GNA12: variants seen among roughly 807,000 people sequenced by gnomAD.
GNA12 encodes the protein G protein subunit alpha 12.
A neutral mutation model predicts 26.0 loss-of-function variants in GNA12; 9 were observed. That is an observed-to-expected ratio of 0.35 (90% CI 0.21 to 0.60). The LOEUF is 0.60. GNA12 is among the 20% of genes least tolerant of loss of function. GNA12 has a pLI of 0.78. For synonymous variants in GNA12, 264 were observed against 219.6 expected (o/e 1.20, Z -1.79); for missense variants, 405 against 525.8 (o/e 0.77, Z 2.25).
chr7:2,754,582 TAAAAAAA>T (rs34822125), intron 2 of GNA12, among the ~76,000 whole-genome samples: 1 of 143,520 alleles, frequency 7.0e-6, no homozygotes, highest in Non-Finnish European at 1.5e-5. Context: ...ATCTCTACTT[TAAAAAAA>T]AAAAAAAAAT....
chr7:2,831,561 G>A (rs1373126623), intron 1 of GNA12, among the ~76,000 whole-genome samples: 3 of 151,738 alleles, frequency 2.0e-5, no homozygotes, highest in African/African-American at 7.3e-5. Flanking sequence ...CTGCCACCAC[G>A]CCCGGTTATT....
chr7:2,829,088 A>AAAC (rs1441370469), intron 1 of GNA12, among the ~76,000 whole-genome samples: 6 of 151,562 alleles, frequency 4.0e-5, no homozygotes, highest in African/African-American at 1.5e-4. Flanking sequence ...AAAAAAAAAA[A>AAAC]GAAAAGAAAA....
chr7:2,823,398 C>T (rs112824185), intron 1 of GNA12, among the ~76,000 whole-genome samples: 2,748 of 152,240 alleles, frequency 0.018, 51 homozygotes, highest in Middle Eastern at 0.075. Context: ...AGGACTTTGA[C>T]GGCATATGCA....
intron 1 of GNA12, among the ~76,000 whole-genome samples, chr7:2,796,396 A>G (rs1792679359): frequency 6.6e-6 from 1 of 152,120 alleles, no homozygotes; most frequent in Non-Finnish European, 1.5e-5. Context: ...GTCCGCGCCT[A>G]TTTTCCGTTG....
chr7:2,750,135 G>A (rs184516196), intron 2 of GNA12, among the ~76,000 whole-genome samples: 79 of 152,292 alleles, frequency 5.2e-4, no homozygotes, highest in South Asian at 1.7e-3. Flanking sequence ...GGTCAAAGAA[G>A]TCAGACTCTC....
chr7:2,801,918 C>A (rs886222881), intron 1 of GNA12, among the ~76,000 whole-genome samples: 15 of 152,018 alleles, frequency 9.9e-5, no homozygotes, highest in African/African-American at 3.1e-4. Flanking sequence ...AATGTATTTA[C>A]CGTACTTTTG....
At chr7:2,834,786 T>C (rs1778781651) in intron 1 of GNA12, among the ~76,000 whole-genome samples, 1 of 152,204 alleles carries the variant, frequency 6.6e-6, no homozygotes, top group African/African-American at 2.4e-5. Flanking sequence ...CAGTATTCAG[T>C]ATAGTAACAT....
intron 1 of GNA12, among the ~76,000 whole-genome samples, chr7:2,842,275 G>A (rs73033414): frequency 6.6e-6 from 1 of 152,026 alleles, no homozygotes; most frequent in African/African-American, 2.4e-5. Flanking sequence ...CAGGCTCACG[G>A]TACTGAGAGA....
At chr7:2,733,645 T>G (rs1324483937) in intron 2 of GNA12, 144 bp from the exon 3 acceptor site, 1 of 657,980 alleles carries the variant, frequency 1.5e-6, no homozygotes, top group Non-Finnish European at 2.8e-6. Flanking sequence ...AGAGTGTCCG[T>G]GTGTTTTCTA....
At chr7:2,810,027 T>C (rs1793041635) in intron 1 of GNA12, among the ~76,000 whole-genome samples, 1 of 152,216 alleles carries the variant, frequency 6.6e-6, no homozygotes, top group African/African-American at 2.4e-5. Flanking sequence ...AGGGAAATGG[T>C]TTGACATTAG....
At chr7:2,835,260 G>A (rs1019667354) in intron 1 of GNA12, among the ~76,000 whole-genome samples, 3 of 152,170 alleles carry the variant, frequency 2.0e-5, no homozygotes, top group African/African-American at 4.8e-5. Flanking sequence ...CCCACCACCA[G>A]AGGCATTATT....
chr7:2,814,374 G>C (rs755719748), intron 1 of GNA12: 2 of 1,594,978 alleles, frequency 1.3e-6, no homozygotes, highest in African/African-American at 2.7e-5. Flanking sequence ...TTTCCATCTG[G>C]TGTGCTTCCC....
At chr7:2,801,055 T>C (rs1248092626) in intron 1 of GNA12, among the ~76,000 whole-genome samples, 2 of 152,104 alleles carry the variant, frequency 1.3e-5, no homozygotes, top group Non-Finnish European at 2.9e-5. Context: ...AGGGTCTCGG[T>C]GCCTTTGTAC....
intron 2 of GNA12, among the ~76,000 whole-genome samples, chr7:2,771,645 G>A (rs1263892618): frequency 6.6e-6 from 1 of 152,148 alleles, no homozygotes; most frequent in African/African-American, 2.4e-5. Context: ...TCCCTTTCCT[G>A]GCTGAGCAGT....
At chr7:2,738,690 A>G (rs1790338274) in intron 2 of GNA12, among the ~76,000 whole-genome samples, 1 of 152,248 alleles carries the variant, frequency 6.6e-6, no homozygotes, top group Middle Eastern at 3.4e-3. Context: ...CTTTGGAACC[A>G]TGCTAACATC....
intron 1 of GNA12, among the ~76,000 whole-genome samples, chr7:2,808,611 C>A (rs1196330621): frequency 6.6e-6 from 1 of 152,204 alleles, no homozygotes; most frequent in African/African-American, 2.4e-5. Context: ...TCTGGCCCAG[C>A]CTGTCAGCCA....
chr7:2,753,803 G>T (rs1791151694), intron 2 of GNA12, among the ~76,000 whole-genome samples: 1 of 151,824 alleles, frequency 6.6e-6, no homozygotes, highest in Admixed American at 6.6e-5. Context: ...ATAAGTTTTT[G>T]TTTCTTCAGT....
intron 2 of GNA12, among the ~76,000 whole-genome samples, chr7:2,740,228 T>C: frequency 6.6e-6 from 1 of 152,208 alleles, no homozygotes; most frequent in East Asian, 1.9e-4. Flanking sequence ...TGTATCATCA[T>C]TATAGACTGC....
At chr7:2,798,171 A>G (rs1361872794) in intron 1 of GNA12, among the ~76,000 whole-genome samples, 1 of 152,226 alleles carries the variant, frequency 6.6e-6, no homozygotes, top group Non-Finnish European at 1.5e-5. Context: ...GAAATAAAAG[A>G]TCACACAGCT....
Sources: allele counts gnomAD v4.1 joint callset (sites outside exome capture counted in the v4.1 genomes callset), GRCh38; gene constraint gnomAD v4.1.1; transcripts MANE v1.5; gene names NCBI Gene and HGNC (gene_info 2026-07-23, HGNC 2026-07-21).